The following DROSHA variants were observed in gnomAD, a reference collection of about 807,000 sequenced individuals.
DROSHA encodes the protein ribonuclease 3.
DROSHA carries 56 observed loss-of-function variants against 181.9 expected under a neutral mutation model. The observed-to-expected ratio is 0.31, with a 90% CI of 0.25 to 0.38. The LOEUF is 0.38. Among genes scored for constraint, DROSHA ranks in the 10% least tolerant of loss-of-function variants. The pLI is 1.00. For synonymous variants in DROSHA, 524 were observed against 591.2 expected (o/e 0.89, Z 1.65); for missense variants, 1,218 against 1,743.5 (o/e 0.70, Z 5.37).
chr5:31,494,675 G>A (rs1752758659), intron 12 of DROSHA, among the ~76,000 whole-genome samples: 2 of 151,926 alleles, frequency 1.3e-5, no homozygotes, highest in Admixed American at 1.3e-4. Flanking sequence ...GAAACAGTTT[G>A]GCATTTCTTC....
intron 25 of DROSHA, among the ~76,000 whole-genome samples, chr5:31,433,475 G>C (rs1231611950): frequency 1.3e-5 from 2 of 152,142 alleles, no homozygotes. Context: ...GGAGTGCTGT[G>C]ATGTGAATTT....
rs1749791249 is a variant in DROSHA at position 31,472,056 on chromosome 5, A to C, written c.2241+7T>G. The C allele has an allele frequency of 1.9e-6, 3 of 1,612,976 alleles. No individual in the cohort carries two copies. In the African/African-American group the frequency reaches 4.0e-5, roughly 22 times the overall value. On this transcript the variant is annotated splice_region_variant and intron_variant, in intron 17 of 35. Transcript: ENST00000344624. ...CAGCCTCTGAATATACAGACACCAG[A>C]ACATACCGTCCCAGGGTTGGTAACA...
At chr5:31,407,767 A>G (rs1270017104) in intron 33 of DROSHA, among the ~76,000 whole-genome samples, 3 of 152,190 alleles carry the variant, frequency 2.0e-5, no homozygotes, top group African/African-American at 7.2e-5. Context: ...CCATGGGATG[A>G]ATGTGCACGA....
intron 10 of DROSHA, among the ~76,000 whole-genome samples, chr5:31,506,705 A>AG (rs2150051457): frequency 6.6e-6 from 1 of 152,012 alleles, no homozygotes; most frequent in East Asian, 1.9e-4. Flanking sequence ...CAAAAAAAAA[A>AG]AAGACAAAAA....
intron 16 of DROSHA, among the ~76,000 whole-genome samples, chr5:31,474,364 T>C (rs759172958): frequency 2.0e-5 from 3 of 151,980 alleles, no homozygotes; most frequent in Non-Finnish European, 2.9e-5. Flanking sequence ...TTAAAGTCCT[T>C]TTTTTTTCTT....
At chr5:31,434,183 G>C (rs1328908452) in intron 25 of DROSHA, among the ~76,000 whole-genome samples, 2 of 152,202 alleles carry the variant, frequency 1.3e-5, no homozygotes, top group East Asian at 1.9e-4. Context: ...CACCCAATGG[G>C]TTATATAATA....
chr5:31,444,378 G>T (rs1746008477), intron 23 of DROSHA, among the ~76,000 whole-genome samples: 1 of 152,216 alleles, frequency 6.6e-6, no homozygotes, highest in Admixed American at 6.5e-5. Flanking sequence ...GGACAAGAGA[G>T]ATTATTTGTT....
chr5:31,512,287 C>T (rs1234024286), intron 8 of DROSHA, among the ~76,000 whole-genome samples: 2 of 152,190 alleles, frequency 1.3e-5, no homozygotes, highest in Non-Finnish European at 2.9e-5. Flanking sequence ...ACACAGACGA[C>T]AAAACTCAAA....
chr5:31,529,775 T>C (rs1580408288), intron 3 of DROSHA, among the ~76,000 whole-genome samples: 1 of 143,698 alleles, frequency 7.0e-6, no homozygotes, highest in Non-Finnish European at 1.5e-5. Flanking sequence ...CATGTAGGCA[T>C]AGACCAAACA....
chr5:31,424,346 G>C (rs1244910650), intron 28 of DROSHA, 81 bp downstream of exon 28: 2 of 1,500,204 alleles, frequency 1.3e-6, no homozygotes, highest in Non-Finnish European at 1.8e-6. Context: ...GATAAAAGTG[G>C]GGAAGGAAAA....
intron 5 of DROSHA, 110 bp downstream of exon 5, chr5:31,525,969 A>G (rs1740490800): frequency 3.7e-6 from 4 of 1,075,548 alleles, no homozygotes; most frequent in Non-Finnish European, 5.2e-6. Context: ...TCCTTTCCTT[A>G]CATAAATCAA....
Position 31,526,388 on chromosome 5 carries a change from A to G in DROSHA, c.545T>C (p.Phe182Ser). Residue 182 changes from phenylalanine (F) to serine (S), a missense_variant, in exon 5 of 36, where the codon TTT becomes TCT. Phe to Ser is a radical substitution (Grantham distance 155). Around this residue, in one of 8 missense-constraint regions of DROSHA, gnomAD observed 536 missense variants for 535.4 expected, o/e 1.00. Transcript: ENST00000344624. Reference sequence around the variant, plus strand: ...ACTAGGGTTGTTCTGGAAACTATTAAAACTGGGAGGTGGGAAGTTGTGGTG... The same window carrying G: ...ACTAGGGTTGTTCTGGAAACTATTAGAACTGGGAGGTGGGAAGTTGTGGTG... Reference protein sequence around the residue: ...YSHHNFPPPSFNSFQNNPSSF... With the variant: ...YSHHNFPPPSSNSFQNNPSSF... 1.2e-6 allele frequency: 2 copies of G among 1,613,370 alleles called. No homozygotes were observed.
rs754092299 is a variant in DROSHA, at chr5:31,435,786, C to G, written c.3021G>C (p.Gln1007His). The change falls in exon 25 of 36, where the codon CAG becomes CAC. Residue 1007 changes from glutamine (Q) to histidine (H), a missense_variant. This residue lies in a region of DROSHA where 460 missense variants were observed against 774.2 expected (regional missense o/e 0.59). Transcript: ENST00000344624. ...ATACCTTTGCTAGCATGGCAAGGTG[C>G]TGATTCTGAACAATGGCAGTCCGAT... ...ATYRTAIVQNQHLAMLAKKLE... is the reference protein window; with the variant it reads ...ATYRTAIVQNHHLAMLAKKLE... 5 of 1,613,762 alleles carry G rather than the reference C, an allele frequency of 3.1e-6. No homozygotes were observed. The highest frequency in any genetic ancestry group is 4.2e-6 in the Non-Finnish European group (5 of 1,179,786).
chr5:31,401,081 A>C lies in DROSHA; in HGVS notation c.*351T>G. ...AAATGTCTAGTAAAGTCAATTTTTT[A>C]CTTGTCAATTGAAAGTCTAGGGTCA... On this transcript the variant is annotated 3_prime_UTR_variant, in exon 36 of 36. Transcript: ENST00000344624. 3.7e-6 allele frequency: 1 copy of C among 267,268 alleles called. No homozygotes were observed. The highest frequency in any genetic ancestry group is 7.4e-6 in the Non-Finnish European group (1 of 135,484). The allele number at this position is 267,268 out of a possible 1,614,324, so 16.6% of individuals were successfully genotyped here.
Position 31,472,066 on chromosome 5 carries a change from C to A in DROSHA, c.2238G>T (p.Gly746=). 6.2e-7 allele frequency: 1 copy of A among 1,613,554 alleles called. No individual in the cohort carries two copies. ...ECKGMIVTNP[G]TKPSSVRIDQ... is the part of the protein sequence containing the mutation. The stretch of plus-strand genomic sequence containing the variant: ...ATATACAGACACCAGAACATACCGT[C>A]CCAGGGTTGGTAACAATCATGCCTT... Residue 746 remains glycine (G), a synonymous_variant, in exon 17 of 36, where the codon GGG becomes GGT. Transcript: ENST00000344624.
chr5:31,510,591 G>GA (rs1358785298), intron 9 of DROSHA, among the ~76,000 whole-genome samples: 1 of 152,210 alleles, frequency 6.6e-6, no homozygotes, highest in African/African-American at 2.4e-5. Context: ...ACCACCTTAT[G>GA]AAAAAGCTAT....
rs368241111 is a variant in DROSHA, at chr5:31,526,597, T to C, written c.336A>G (p.Pro112=). ...FPNHQMRHPF[P]VPPCFPPMPP... is the part of the protein sequence containing the mutation. ...GCATGGGAGGAAAACAAGGAGGAAC[T>C]GGGAAGGGGTGCCTCATCTGGTGGT... Residue 112 remains proline, a synonymous_variant, in exon 5 of 36, where the codon CCA becomes CCG. Transcript: ENST00000344624. 3.6e-5 allele frequency: 53 copies of C among 1,459,024 alleles called. No individual in the cohort carries two copies. In the African/African-American group the frequency reaches 8.2e-4, roughly 23 times the overall value. 90.4% of individuals were successfully genotyped at this position (1,459,024 alleles called of 1,614,324 possible). A position where few individuals can be genotyped will look rare whatever the true frequency, so the allele number is the denominator to read the frequency against.
chr5:31,521,265 C>T (rs766513635), intron 5 of DROSHA, 50 bp from the exon 6 acceptor site: 3 of 1,588,468 alleles, frequency 1.9e-6, no homozygotes, highest in East Asian at 2.2e-5. Context: ...GACTCAAAAA[C>T]ACCATCTCTT....
chr5:31,452,511 C>T (rs1055775688), intron 20 of DROSHA, among the ~76,000 whole-genome samples: 2 of 152,070 alleles, frequency 1.3e-5, no homozygotes, highest in African/African-American at 2.4e-5. Flanking sequence ...AATACTATTT[C>T]GCAAGAACAC....
Sources: allele counts gnomAD v4.1 joint callset (sites outside exome capture counted in the v4.1 genomes callset), GRCh38; gene constraint gnomAD v4.1.1; regional missense constraint gnomAD v4.1.1; transcripts MANE v1.5; gene names NCBI Gene and HGNC (gene_info 2026-07-23, HGNC 2026-07-21).